TECPR2: variants seen among roughly 807,000 people sequenced by gnomAD.
TECPR2 encodes tectonin beta-propeller repeat containing 2, also known as tectonin beta-propeller repeat-containing protein 2.
TECPR2 carries 65 observed loss-of-function variants against 138.1 expected under a neutral mutation model. The ratio of observed to expected loss-of-function variants is 0.47; its 90% CI spans 0.39 to 0.58. The LOEUF is 0.58. Among genes scored for constraint, TECPR2 ranks in the 20% least tolerant of loss-of-function variants. The probability of loss-of-function intolerance (pLI) is 0.00; values close to 1 mark genes in which losing one functional copy is unlikely to be tolerated. For missense variants in TECPR2, 1,553 were observed against 1,824.5 expected (o/e 0.85, Z 2.71); for synonymous variants, 746 against 749.8 (o/e 0.99, Z 0.08).
At chr14:102,381,701 C>T (rs952138255) in intron 2 of TECPR2, among the ~76,000 whole-genome samples, 1 of 152,152 alleles carries the variant, frequency 6.6e-6, no homozygotes, top group Non-Finnish European at 1.5e-5. Context: ...CGTTGCCAAC[C>T]GACCTGCTCT....
Position 102,496,487 on chromosome 14 carries a change from C to T in TECPR2, c.3790-492C>T, listed in dbSNP as rs556781227. On this transcript the variant is annotated intron_variant, in intron 17 of 19. Transcript: ENST00000359520. Reference sequence around the variant, plus strand: ...AGGGCAGGGCGGCAGTCTTGTGCCGCGGCCTGGTCAACGCAGATGTTGCCT... The same window carrying T: ...AGGGCAGGGCGGCAGTCTTGTGCCGTGGCCTGGTCAACGCAGATGTTGCCT... Among the ~76,000 whole-genome samples the T allele has an allele frequency of 4.6e-5, 7 of 152,320 alleles. 1 individual carries two copies. In the South Asian group the frequency reaches 6.2e-4, roughly 14 times the overall value.
chr14:102,472,196 A>G (rs1890667000), intron 17 of TECPR2, among the ~76,000 whole-genome samples: 1 of 152,318 alleles, frequency 6.6e-6, no homozygotes, highest in East Asian at 1.9e-4. Flanking sequence ...GTGGGGCTGG[A>G]GCCACCCTTG....
intron 2 of TECPR2, among the ~76,000 whole-genome samples, chr14:102,406,072 G>A (rs940613302): frequency 6.6e-6 from 1 of 150,606 alleles, no homozygotes; most frequent in Non-Finnish European, 1.5e-5. Context: ...CCAGGGGCTG[G>A]GGGGAGGGAT....
Position 102,465,302 on chromosome 14 carries a change from T to C in TECPR2, c.3789+13T>C, listed in dbSNP as rs1890529799. On this transcript the variant is annotated intron_variant, in intron 17 of 19. Coordinates refer to ENST00000359520, the MANE Select transcript of TECPR2 (RefSeq NM_014844.5). ...GCCACCTGTCCAGGTAAGCAGAAGT[T>C]AGCTGGTGGAACTCACTCTTCAGTA... 1 of 1,611,888 alleles carries C rather than the reference T, an allele frequency of 6.2e-7. No homozygotes were observed.
chr14:102,378,784 C>T (rs1887709254), intron 2 of TECPR2, among the ~76,000 whole-genome samples: 1 of 152,112 alleles, frequency 6.6e-6, no homozygotes, highest in Admixed American at 6.6e-5. Context: ...GCTATCACAC[C>T]CAGCTAATTT....
intron 11 of TECPR2, among the ~76,000 whole-genome samples, chr14:102,442,973 T>C (rs1162343277): frequency 6.6e-6 from 1 of 152,254 alleles, no homozygotes; most frequent in Non-Finnish European, 1.5e-5. Context: ...GGCCTGCCAC[T>C]GCCTTGCAGT....
intron 4 of TECPR2, among the ~76,000 whole-genome samples, 175 bp downstream of exon 4, chr14:102,408,794 A>C (rs537009366): frequency 6.6e-6 from 1 of 152,196 alleles, no homozygotes; most frequent in Non-Finnish European, 1.5e-5. Context: ...TTCCACTTCT[A>C]TGACTAAGGA....
rs1254945722 is a variant in TECPR2 at position 102,449,732 on chromosome 14, A to C, written c.3179A>C (p.Lys1060Thr). The change falls in exon 14 of 20, where the codon AAG becomes ACG. Residue 1060 changes from lysine (K) to threonine (T), a missense_variant. Coordinates refer to ENST00000359520, the MANE Select transcript of TECPR2 (RefSeq NM_014844.5). The part of the protein sequence containing the change: ...VATAAQAPVE[K>T]VADKLRMAFW... ...ACAGCAGCCCAAGCCCCCGTAGAAA[A>C]GGTGGCAGATAAGCTGCGCATGGCG... is the stretch of plus-strand genomic sequence containing the variant. 6.2e-7 allele frequency: 1 copy of C among 1,614,152 alleles called. No homozygotes were observed. The highest frequency in any genetic ancestry group is 2.2e-5 in the East Asian group (1 of 44,876).
chr14:102,480,508 G>C (rs1890867387), intron 17 of TECPR2, among the ~76,000 whole-genome samples: 1 of 152,088 alleles, frequency 6.6e-6, no homozygotes, highest in South Asian at 2.1e-4. Context: ...ACAGGCGTGA[G>C]CCACCATGCC....
chr14:102,428,239 T>TTTTTTTTC lies in TECPR2; in HGVS notation c.952-6_952-5insTTCTTTTT. The TTTTTTTTC allele has an allele frequency of 7.1e-7, 1 of 1,404,748 alleles. No homozygotes were observed. 87.0% of individuals were successfully genotyped at this position (1,404,748 alleles called of 1,614,324 possible). On this transcript the variant is annotated splice_polypyrimidine_tract_variant and intron_variant, in intron 6 of 19. Coordinates refer to ENST00000359520, the MANE Select transcript of TECPR2 (RefSeq NM_014844.5). ...TGTTTTTTGTTTTTTTTTTTTTTTT[T>TTTTTTTTC]TTTTTGACAGGCCACAGTTGCTGGT...
intron 16 of TECPR2, among the ~76,000 whole-genome samples, chr14:102,464,158 A>G (rs958045232): frequency 1.3e-5 from 2 of 152,080 alleles, no homozygotes; most frequent in Non-Finnish European, 2.9e-5. Context: ...GTGAAGTGGG[A>G]TGATACTAAT....
chr14:102,380,765 G>A (rs1438190032), intron 2 of TECPR2, among the ~76,000 whole-genome samples: 1 of 152,104 alleles, frequency 6.6e-6, no homozygotes, highest in Non-Finnish European at 1.5e-5. Context: ...TGCAACCTCC[G>A]CCTCCCGGGT....
chr14:102,462,775 A>T (rs545859580), intron 16 of TECPR2, among the ~76,000 whole-genome samples: 2 of 152,334 alleles, frequency 1.3e-5, no homozygotes, highest in South Asian at 4.1e-4. Context: ...GAAAATGAAA[A>T]AGCAAACCAC....
chr14:102,376,689 C>T lies in TECPR2; in HGVS notation c.-33C>T. 6.3e-7 allele frequency: 1 copy of T among 1,596,996 alleles called. No individual in the cohort carries two copies. The highest frequency in any genetic ancestry group is 2.2e-5 in the East Asian group (1 of 44,798). ...TAGATGACAAATAAACATTCCTTTT[C>T]CTGCGTGAAGATAGTCTGTGGAAAC... On this transcript the variant is annotated 5_prime_UTR_variant, in exon 2 of 20. Transcript: ENST00000359520.
intron 16 of TECPR2, 73 bp downstream of exon 16, chr14:102,452,700 C>A: frequency 3.1e-6 from 4 of 1,274,730 alleles, no homozygotes; most frequent in Non-Finnish European, 2.2e-6. Context: ...TGATGTCGGA[C>A]AAAACTGCCC....
chr14:102,452,711 G>A (rs1055827277), intron 16 of TECPR2, 84 bp downstream of exon 16: 18 of 1,111,902 alleles, frequency 1.6e-5, no homozygotes, highest in South Asian at 2.8e-5. Context: ...AAAACTGCCC[G>A]GCCTGTGTCC....
chr14:102,414,923 G>A lies in TECPR2; in HGVS notation c.638+130G>A, dbSNP rs1003193875. 40 of 1,130,146 alleles carry A rather than the reference G, an allele frequency of 3.5e-5. No homozygotes were observed. The African/African-American group carries it at 6.1e-4, about 17-fold the overall frequency. The allele number at this position is 1,130,146 out of a possible 1,614,324, so 70.0% of individuals were successfully genotyped here. A position where few individuals can be genotyped will look rare whatever the true frequency, so the allele number is the denominator to read the frequency against. ...AAACCCACAGCGCCTCTAAGCCTGG[G>A]GTTCCTGGTGGGGCCCTGTGCCTGC... On this transcript the variant is annotated intron_variant, in intron 5 of 19. Coordinates refer to ENST00000359520, the MANE Select transcript of TECPR2 (RefSeq NM_014844.5).
intron 8 of TECPR2, among the ~76,000 whole-genome samples, chr14:102,433,630 C>T (rs1038794642): frequency 1.3e-5 from 2 of 152,038 alleles, no homozygotes; most frequent in Non-Finnish European, 2.9e-5. Context: ...AAGCAATTCT[C>T]CTGCCTCAGC....
Position 102,438,162 on chromosome 14 carries a change from G to C in TECPR2, c.2535G>C (p.Gln845His). The change falls in exon 10 of 20, where the codon CAG becomes CAC. Residue 845 changes from glutamine (Q) to histidine (H), a missense_variant. Coordinates refer to ENST00000359520, the MANE Select transcript of TECPR2 (RefSeq NM_014844.5). Reference protein sequence around the residue: ...SALPGAGLRWQKFEDAVQQVA... With the variant: ...SALPGAGLRWHKFEDAVQQVA... ...TGCCGGGCGCCGGGCTGCGCTGGCA[G>C]AAGTTTGAAGATGCTGTCCAGCAGG... is the stretch of plus-strand genomic sequence containing the variant. 6.2e-7 allele frequency: 1 copy of C among 1,612,876 alleles called. No homozygotes were observed. The highest frequency in any genetic ancestry group is 1.3e-5 in the African/African-American group (1 of 75,030).
Sources: gnomAD v4.1 joint callset for allele counts (sites outside exome capture counted in the v4.1 genomes callset) on GRCh38, gnomAD v4.1.1 for gene constraint, MANE v1.5 for transcripts, NCBI Gene and HGNC (gene_info 2026-07-23, HGNC 2026-07-21) for gene names.